Variants in RBBP8 observed in about 807,000 individuals in gnomAD.
The protein encoded by RBBP8 is DNA endonuclease RBBP8.
Under a neutral mutation model 108.3 loss-of-function variants are expected in RBBP8, and 88 were observed. The ratio of observed to expected loss-of-function variants is 0.81; its 90% CI spans 0.68 to 0.97. RBBP8 has a LOEUF of 0.97. Among genes scored for constraint, RBBP8 ranks in the 50% least tolerant of loss-of-function variants. The pLI is 0.00. For missense variants in RBBP8, 1,023 were observed against 1,049.0 expected (o/e 0.98, Z 0.34); for synonymous variants, 332 against 348.2 (o/e 0.95, Z 0.52).
In RBBP8 at chr18:22,993,412, C is replaced by G. The variant is rs148864984; in HGVS notation, c.1585C>G (p.Pro529Ala). Reference protein sequence around the residue: ...VTLYEALKTIPKGFSSSRKAS... With the variant: ...VTLYEALKTIAKGFSSSRKAS... ...TCTTTATGAGGCTTTGAAGACCATTCCAAAGGGCTTTTCCTCAAGCCGTAA... is the reference window on the plus strand; with the variant it reads ...TCTTTATGAGGCTTTGAAGACCATTGCAAAGGGCTTTTCCTCAAGCCGTAA... The change falls in exon 11 of 19, where the codon CCA becomes GCA. Residue 529 changes from proline (P) to alanine (A), a missense_variant. Physicochemically the swap from Pro to Ala is conservative, Grantham distance 27. Coordinates refer to ENST00000327155, the MANE Select transcript of RBBP8 (RefSeq NM_002894.3). 2 of 1,614,086 alleles carry G rather than the reference C, an allele frequency of 1.2e-6. No homozygotes were observed. Among genetic ancestry groups the G allele is most frequent in the African/African-American group, 2.7e-5 (2 of 74,930 alleles).
At chr18:22,950,656 G>T (rs955232198) in intron 4 of RBBP8, among the ~76,000 whole-genome samples, 3 of 151,974 alleles carry the variant, frequency 2.0e-5, no homozygotes, top group Admixed American at 6.6e-5. Flanking sequence ...AGTGGCTCAT[G>T]CCTGTAACCT....
intron 16 of RBBP8, among the ~76,000 whole-genome samples, chr18:23,007,402 T>C (rs752075847): frequency 3.9e-5 from 6 of 152,004 alleles, no homozygotes; most frequent in Non-Finnish European, 7.4e-5. Flanking sequence ...ATAAGTTTTA[T>C]GTAGTATAAG....
At chr18:23,008,469 T>C (rs1488263239) in intron 16 of RBBP8, among the ~76,000 whole-genome samples, 1 of 152,208 alleles carries the variant, frequency 6.6e-6, no homozygotes, top group Non-Finnish European at 1.5e-5. Context: ...AGGTTGTTTT[T>C]TGTTTAGGTG....
chr18:22,924,567 A>G (rs1197203643), intron 3 of RBBP8, among the ~76,000 whole-genome samples: 2 of 152,156 alleles, frequency 1.3e-5, no homozygotes. Flanking sequence ...GACCACAGGC[A>G]TACACACCGT....
At chr18:22,921,238 T>C (rs1183101178) in intron 3 of RBBP8, among the ~76,000 whole-genome samples, 1 of 152,144 alleles carries the variant, frequency 6.6e-6, no homozygotes, top group Non-Finnish European at 1.5e-5. Flanking sequence ...AAGTTCATCC[T>C]TGAGTTCATC....
At position 22,952,145 on chromosome 18, in the gene RBBP8, C is replaced by T. The variant is rs75752310; in HGVS notation, c.248+2432C>T. Among the ~76,000 whole-genome samples, 1,284 of 152,088 alleles carry T rather than the reference C, an allele frequency of 8.4e-3. 22 individuals carry two copies. Among genetic ancestry groups the T allele is most frequent in the African/African-American group, 0.03 (1,236 of 41,454 alleles). ...ATCTAGTGGGGCAACAACTAGATTT[C>T]GTAGGGACATAGGCAAAAAGTTTGG... On this transcript the variant is annotated intron_variant, in intron 4 of 18. Coordinates refer to ENST00000327155, the MANE Select transcript of RBBP8 (RefSeq NM_002894.3).
At chr18:22,914,369 A>G (rs544277907) in intron 1 of RBBP8, 11 of 152,152 alleles carry the variant, frequency 7.2e-5, no homozygotes, top group Admixed American at 6.5e-4. Flanking sequence ...TTAAGAAATG[A>G]TGTTTAAAAA....
At chr18:22,953,541 A>T (rs1428017596) in intron 4 of RBBP8, among the ~76,000 whole-genome samples, 1 of 152,136 alleles carries the variant, frequency 6.6e-6, no homozygotes, top group Non-Finnish European at 1.5e-5. Context: ...CCTTGAAGAC[A>T]TTGCTTTCCA....
chr18:23,012,127 T>C (rs553193441), intron 16 of RBBP8, among the ~76,000 whole-genome samples: 2 of 143,556 alleles, frequency 1.4e-5, no homozygotes, highest in South Asian at 2.2e-4. Flanking sequence ...GGAGGATTGC[T>C]TGAGCCCAGG....
At chr18:22,917,511 T>C (rs764021198) in intron 3 of RBBP8, among the ~76,000 whole-genome samples, 3 of 152,242 alleles carry the variant, frequency 2.0e-5, no homozygotes, top group Non-Finnish European at 2.9e-5. Flanking sequence ...TCCTAGAACA[T>C]AGCAGGTGCT....
intron 14 of RBBP8, among the ~76,000 whole-genome samples, chr18:22,998,866 C>T (rs2045901492): frequency 6.6e-6 from 1 of 152,158 alleles, no homozygotes; most frequent in Admixed American, 6.6e-5. Flanking sequence ...GTAGAGAAGC[C>T]AATACCTATT....
Position 23,016,831 on chromosome 18 carries a change from G to C in RBBP8, c.2361G>C (p.Glu787Asp). The C allele has an allele frequency of 6.2e-7, 1 of 1,610,678 alleles. No individual in the cohort carries two copies. The highest frequency in any genetic ancestry group is 8.5e-7 in the Non-Finnish European group (1 of 1,177,108). The change falls in exon 17 of 19, where the codon GAG becomes GAC. Residue 787 changes from glutamate to aspartate, a missense_variant. Coordinates refer to ENST00000327155, the MANE Select transcript of RBBP8 (RefSeq NM_002894.3). ...ATTTAATTCATTTTTCCCCCAGAGA[G>C]ACTAGCTTGCAAAATTTTCCTCATA... ...VEPYFKGDER[E>D]TSLQNFPHIE... is the part of the protein sequence containing the mutation.
At chr18:22,933,178 A>G (rs1224999920), upstream of RBBP8, 1 of 152,298 alleles carries the variant, frequency 6.6e-6, no homozygotes, top group African/African-American at 2.4e-5. Flanking sequence ...CTCTTCGGGT[A>G]GCTCCCGGCA....
At chr18:22,933,812 G>GC (rs1251028080) in intron 1 of RBBP8, 2 of 152,220 alleles carry the variant, frequency 1.3e-5, no homozygotes, top group Non-Finnish European at 2.9e-5. Context: ...TCGCCGCCAA[G>GC]CCCGCCCCGC....
intron 8 of RBBP8, among the ~76,000 whole-genome samples, chr18:22,986,363 G>A (rs1455370587): frequency 5.9e-5 from 9 of 152,186 alleles, no homozygotes; most frequent in Non-Finnish European, 1.3e-4. Flanking sequence ...AGATCATTGA[G>A]TGTTAAACTA....
rs1406247249 is a variant in RBBP8 at position 22,949,609 on chromosome 18, G to T, written c.153-9G>T. On this transcript the variant is annotated splice_polypyrimidine_tract_variant and intron_variant, in intron 3 of 18. Transcript: ENST00000327155. ...TATCTGAAAAACTTATTTATTTTTT[G>T]ACCTTTAGAGATGCACAAAGACTAG... 6.3e-7 allele frequency: 1 copy of T among 1,585,572 alleles called. No individual in the cohort carries two copies. The highest frequency in any genetic ancestry group is 1.1e-5 in the South Asian group (1 of 90,380).
intron 4 of RBBP8, among the ~76,000 whole-genome samples, chr18:22,955,303 T>C (rs543236174): frequency 2.8e-4 from 42 of 152,296 alleles, no homozygotes; most frequent in African/African-American, 9.9e-4. Flanking sequence ...TGCTCACCTT[T>C]CTTCAAATGC....
At chr18:22,959,681 A>C (rs569966859) in intron 4 of RBBP8, among the ~76,000 whole-genome samples, 2 of 151,770 alleles carry the variant, frequency 1.3e-5, no homozygotes, top group South Asian at 4.2e-4. Flanking sequence ...CGTAATATCC[A>C]AGAACTTTTT....
At chr18:22,984,813 A>C (rs1285067544) in intron 7 of RBBP8, 73 bp from the exon 8 acceptor site, 1 of 874,400 alleles carries the variant, frequency 1.1e-6, no homozygotes, top group Non-Finnish European at 1.7e-6. Flanking sequence ...AATATGAATA[A>C]ATAAAAATAA....
Sources: gnomAD v4.1 joint callset for allele counts (sites outside exome capture counted in the v4.1 genomes callset) on GRCh38, gnomAD v4.1.1 for gene constraint, MANE v1.5 for transcripts, NCBI Gene and HGNC (gene_info 2026-07-23, HGNC 2026-07-21) for gene names.